Variants in CD226 observed in about 807,000 individuals in gnomAD.
CD226 encodes the protein CD226 molecule.
CD226 carries 24 observed loss-of-function variants against 34.9 expected under a neutral mutation model. That is an observed-to-expected ratio of 0.69 (90% CI 0.50 to 0.97). The LOEUF is 0.97. CD226 is among the 50% of genes least tolerant of loss of function. The probability of loss-of-function intolerance (pLI) is 0.00; values close to 1 mark genes in which losing one functional copy is unlikely to be tolerated. For missense variants in CD226, 397 were observed against 412.7 expected (o/e 0.96, Z 0.33); for synonymous variants, 148 against 147.4 (o/e 1.00, Z -0.03).
intron 3 of CD226, among the ~76,000 whole-genome samples, chr18:69,873,820 C>T (rs779148192): frequency 3.3e-5 from 5 of 152,130 alleles, no homozygotes; most frequent in South Asian, 2.1e-4. Flanking sequence ...GCAGTGAGCC[C>T]GGATCTTGCC....
chr18:69,923,235 G>A (rs2145314071), intron 2 of CD226, among the ~76,000 whole-genome samples: 1 of 151,758 alleles, frequency 6.6e-6, no homozygotes, highest in Non-Finnish European at 1.5e-5. Context: ...GAGAGAGAAA[G>A]AAAGAGAGAG....
In CD226 at chr18:69,857,102, C is replaced by G. The variant is rs566173971; in HGVS notation, c.*7212G>C. 2 of 152,372 alleles carry G rather than the reference C, an allele frequency of 1.3e-5. No individual in the cohort carries two copies. The highest frequency in any genetic ancestry group is 2.1e-4 in the South Asian group (1 of 4,824). 9.4% of individuals were successfully genotyped at this position (152,372 alleles called of 1,614,324 possible). On this transcript the variant is annotated 3_prime_UTR_variant, in exon 6 of 6. Coordinates refer to ENST00000582621, the MANE Select transcript of CD226 (RefSeq NM_001303618.2). ...GAGAATGGCGTGAACCTGGAAGACG[C>G]AGCTTGCGGTGAGCCGAGGTCGCAC...
chr18:69,902,138 A>G (rs1394163315), intron 2 of CD226, among the ~76,000 whole-genome samples: 1 of 152,194 alleles, frequency 6.6e-6, no homozygotes, highest in East Asian at 1.9e-4. Flanking sequence ...TACATTTTTC[A>G]TGCCAGAACA....
At chr18:69,928,301 C>A (rs1452619495) in intron 2 of CD226, among the ~76,000 whole-genome samples, 1 of 152,192 alleles carries the variant, frequency 6.6e-6, no homozygotes, top group East Asian at 1.9e-4. Flanking sequence ...CACCCCAACT[C>A]TTTTGCTGTT....
At chr18:69,886,494 T>C (rs1306093571) in intron 3 of CD226, among the ~76,000 whole-genome samples, 1 of 152,004 alleles carries the variant, frequency 6.6e-6, no homozygotes, top group Admixed American at 6.5e-5. Flanking sequence ...TCACCTGAGG[T>C]CAGGACTTCG....
intron 2 of CD226, among the ~76,000 whole-genome samples, chr18:69,913,595 T>C (rs984932445): frequency 1.3e-5 from 2 of 152,224 alleles, no homozygotes; most frequent in African/African-American, 4.8e-5. Context: ...TCAGTAAACG[T>C]ATGCCATACT....
At chr18:69,957,006 G>A (rs1275383921), upstream of CD226, 4 of 152,162 alleles carry the variant, frequency 2.6e-5, no homozygotes, top group Admixed American at 2.6e-4. Flanking sequence ...CAACTGAAGT[G>A]AATCACTAAT....
At chr18:69,874,116 C>G (rs531180382) in intron 3 of CD226, among the ~76,000 whole-genome samples, 43 of 152,300 alleles carry the variant, frequency 2.8e-4, no homozygotes, top group Non-Finnish European at 5.4e-4. Context: ...CACAATTCAA[C>G]TGACCGACTC....
At chr18:69,891,019 A>C (rs1300369207) in intron 3 of CD226, among the ~76,000 whole-genome samples, 3 of 149,844 alleles carry the variant, frequency 2.0e-5, no homozygotes, top group Admixed American at 6.6e-5. Flanking sequence ...AGACACCACA[A>C]AAAAAAAAAA....
chr18:69,957,494 T>G (rs1353038308), upstream of CD226, among the ~76,000 whole-genome samples: 2 of 152,118 alleles, frequency 1.3e-5, no homozygotes, highest in Non-Finnish European at 2.9e-5. Flanking sequence ...AACGTTAGTT[T>G]TATTGATTCC....
intron 2 of CD226, among the ~76,000 whole-genome samples, chr18:69,906,457 C>A (rs1004988341): frequency 1.4e-4 from 22 of 152,138 alleles, no homozygotes; most frequent in African/African-American, 5.3e-4. Context: ...GAAATAGAAG[C>A]CATTTTCTGT....
chr18:69,855,828 T>C lies in CD226; in HGVS notation c.*8486A>G, dbSNP rs141156675. The C allele has an allele frequency of 2.8e-4, 43 of 152,246 alleles. No homozygotes were observed. The highest frequency in any genetic ancestry group is 5.0e-4 in the Non-Finnish European group (34 of 68,006). 9.4% of individuals were successfully genotyped at this position (152,246 alleles called of 1,614,324 possible). A position where few individuals can be genotyped will look rare whatever the true frequency, so the allele number is the denominator to read the frequency against. On this transcript the variant is annotated 3_prime_UTR_variant, in exon 6 of 6. Coordinates refer to ENST00000582621, the MANE Select transcript of CD226 (RefSeq NM_001303618.2). ...CCAACTATATCAATAATCACTTAAA[T>C]TTGAATAATCTAAATGTACCAATTA...
At chr18:69,920,702 T>C (rs570523038) in intron 2 of CD226, among the ~76,000 whole-genome samples, 1 of 152,350 alleles carries the variant, frequency 6.6e-6, no homozygotes, top group Non-Finnish European at 1.5e-5. Context: ...CGGATGTTTA[T>C]TGAATCTCAC....
intron 2 of CD226, among the ~76,000 whole-genome samples, chr18:69,929,043 G>A (rs1277923290): frequency 2.6e-5 from 4 of 152,316 alleles, no homozygotes; most frequent in Middle Eastern, 3.4e-3. Flanking sequence ...GAGGGTCCAG[G>A]AAGATCATGG....
intron 3 of CD226, among the ~76,000 whole-genome samples, chr18:69,885,011 G>A (rs1015586661): frequency 1.3e-5 from 2 of 152,198 alleles, no homozygotes; most frequent in South Asian, 4.1e-4. Context: ...TCTGGGTAGG[G>A]AGGAGATTTT....
chr18:69,901,309 T>C (rs112308314), intron 2 of CD226, among the ~76,000 whole-genome samples: 1 of 152,112 alleles, frequency 6.6e-6, no homozygotes, highest in Non-Finnish European at 1.5e-5. Context: ...ATTATTGCTG[T>C]TTTGTGAGGG....
At chr18:69,874,889 C>T (rs538960419) in intron 3 of CD226, among the ~76,000 whole-genome samples, 1 of 152,302 alleles carries the variant, frequency 6.6e-6, no homozygotes, top group South Asian at 2.1e-4. Flanking sequence ...TTTATCCACC[C>T]TGTCACACAT....
In CD226 at chr18:69,897,928, G is replaced by A. The variant is rs369681792; in HGVS notation, c.383-1883C>T. Among the ~76,000 whole-genome samples the A allele has an allele frequency of 5.3e-5, 8 of 152,068 alleles. No homozygotes were observed. In the South Asian group the frequency reaches 6.2e-4, roughly 12 times the overall value. On this transcript the variant is annotated intron_variant, in intron 2 of 5. Transcript: ENST00000582621. The stretch of plus-strand genomic sequence containing the variant: ...CTCCAGCTTTCTCCTCTGTACAACC[G>A]TTTACCAAAGGTAGCACTTTACCCA...
intron 2 of CD226, among the ~76,000 whole-genome samples, chr18:69,911,674 C>A: frequency 6.6e-6 from 1 of 152,192 alleles, no homozygotes; most frequent in African/African-American, 2.4e-5. Flanking sequence ...TAATCCAAAG[C>A]AACTCTCTTT....
Sources: gnomAD v4.1 joint callset for allele counts (sites outside exome capture counted in the v4.1 genomes callset) on GRCh38, gnomAD v4.1.1 for gene constraint, MANE v1.5 for transcripts, NCBI Gene and HGNC (gene_info 2026-07-23, HGNC 2026-07-21) for gene names.